TFB1M: variants seen among roughly 807,000 people sequenced by gnomAD.
The protein encoded by TFB1M is transcription factor B1, mitochondrial.
A neutral mutation model predicts 31.1 loss-of-function variants in TFB1M; 27 were observed. The observed-to-expected ratio is 0.87, with a 90% confidence interval of 0.64 to 1.20. The LOEUF is 1.20. Ranked by LOEUF, TFB1M falls within the 50% of genes most tolerant of loss-of-function variation. The probability of loss-of-function intolerance (pLI) is 0.00; values close to 1 mark genes in which losing one functional copy is unlikely to be tolerated. For missense variants in TFB1M, 394 were observed against 418.7 expected (o/e 0.94, Z 0.51); for synonymous variants, 166 against 151.8 (o/e 1.09, Z -0.69).
At chr6:155,276,510 A>G (rs6925410) in intron 5 of TFB1M, 507,664 of 797,208 alleles carry the variant, frequency 0.64, 165,991 homozygotes, top group East Asian at 0.98. Flanking sequence ...ACAACTACAA[A>G]GTAGTTTAAA....
rs535946107 is a variant in TFB1M at position 155,290,852 on chromosome 6, G to A, written c.547-5575C>T. ...AGAAATATATTTGGACTTTGTCGCT[G>A]GCTCCTAAAGCCCTTGAAATTTCCT... On this transcript the variant is annotated intron_variant, in intron 4 of 6. Transcript: ENST00000367166. 5.3e-5 allele frequency among the ~76,000 whole-genome samples: 8 copies of A among 152,268 alleles called. No individual in the cohort carries two copies. In the East Asian group the frequency reaches 1.5e-3, roughly 29 times the overall value.
intron 2 of TFB1M, among the ~76,000 whole-genome samples, chr6:155,302,497 C>T (rs535375658): frequency 2.0e-5 from 3 of 152,052 alleles, no homozygotes; most frequent in Non-Finnish European, 4.4e-5. Flanking sequence ...AAGGTTACAG[C>T]ATGATGTCAA....
intron 5 of TFB1M, 134 bp from the exon 6 acceptor site, chr6:155,260,534 T>C: frequency 8.7e-7 from 1 of 1,144,454 alleles, no homozygotes; most frequent in Non-Finnish European, 1.3e-6. Flanking sequence ...TCCACGTACT[T>C]CGGTTTCATC....
chr6:155,257,210 A>C lies in TFB1M; in HGVS notation c.*626T>G. On this transcript the variant is annotated 3_prime_UTR_variant, in exon 7 of 7. Coordinates refer to ENST00000367166, the MANE Select transcript of TFB1M (RefSeq NM_016020.4). ...AATTGCAAAAAAAAAAAAAAAAAAA[A>C]ACTGTTCATTCCTGGGTTTTGTGCA... 4.2e-6 allele frequency: 5 copies of C among 1,177,030 alleles called. No homozygotes were observed. The highest frequency in any genetic ancestry group is 1.5e-5 in the South Asian group (1 of 67,630). The allele number at this position is 1,177,030 out of a possible 1,614,324, so 72.9% of individuals were successfully genotyped here. A position where few individuals can be genotyped will look rare whatever the true frequency, so the allele number is the denominator to read the frequency against.
At chr6:155,238,119 T>A in the TFB1M span, among the ~76,000 whole-genome samples, 1 of 152,162 alleles carries the variant, frequency 6.6e-6, no homozygotes, top group Non-Finnish European at 1.5e-5. Flanking sequence ...AGAAATTTCT[T>A]CTCCCAGATA....
At chr6:155,249,935 A>C in the TFB1M span, 3 of 1,614,134 alleles carry the variant, frequency 1.9e-6, no homozygotes, top group South Asian at 1.1e-5. Flanking sequence ...GTGTTTGACC[A>C]GCTAGTAGCT....
chr6:155,246,228 G>A, the TFB1M span, among the ~76,000 whole-genome samples: 193 of 152,232 alleles, frequency 1.3e-3, no homozygotes, highest in Middle Eastern at 0.021. Flanking sequence ...TTCTCTCTGC[G>A]TGGGCCTGGA....
chr6:155,263,369 C>CA (rs1272378598), intron 5 of TFB1M, among the ~76,000 whole-genome samples: 1 of 152,168 alleles, frequency 6.6e-6, no homozygotes, highest in Non-Finnish European at 1.5e-5. Flanking sequence ...TTAATGCCGC[C>CA]AGCCTTTTCC....
intron 5 of TFB1M, among the ~76,000 whole-genome samples, chr6:155,266,253 A>G (rs1196063511): frequency 2.6e-5 from 4 of 152,226 alleles, no homozygotes; most frequent in South Asian, 2.1e-4. Context: ...TTTGAAAAAT[A>G]CAAGGATGGG....
At chr6:155,241,450 A>G in the TFB1M span, among the ~76,000 whole-genome samples, 4 of 152,196 alleles carry the variant, frequency 2.6e-5, no homozygotes, top group South Asian at 2.1e-4. Context: ...CTCTGGCTGT[A>G]TGGTGGATGG....
At position 155,257,823 on chromosome 6, in the gene TFB1M, CCCCA is replaced by C; in HGVS notation, c.*9_*12del. The C allele has an allele frequency of 6.2e-7, 1 of 1,613,950 alleles. No homozygotes were observed. Among genetic ancestry groups the C allele is most frequent in the East Asian group, 2.2e-5 (1 of 44,882 alleles). ...AATCGACATCTGGTAGGCTGCTCGC[CCCCA>C]GGCAGCAGCTAGAGTCTGTAATTCT... On this transcript the variant is annotated 3_prime_UTR_variant, in exon 7 of 7. Transcript: ENST00000367166.
the TFB1M span, among the ~76,000 whole-genome samples, chr6:155,237,973 T>C: frequency 6.6e-6 from 1 of 152,254 alleles, no homozygotes; most frequent in Non-Finnish European, 1.5e-5. Flanking sequence ...AGCTTAGATT[T>C]CTCTTCAGAA....
the TFB1M span, among the ~76,000 whole-genome samples, chr6:155,242,273 C>T: frequency 1.7e-4 from 26 of 152,376 alleles, no homozygotes; most frequent in Non-Finnish European, 2.9e-4. Flanking sequence ...CCACACTTGG[C>T]ACCTGTTGTG....
the TFB1M span, chr6:155,240,572 A>C: frequency 6.2e-7 from 1 of 1,614,032 alleles, no homozygotes; most frequent in East Asian, 2.2e-5. Context: ...TTTTAACGAC[A>C]GTCAGGCCAA....
intron 4 of TFB1M, among the ~76,000 whole-genome samples, chr6:155,295,530 G>A (rs1777128861): frequency 6.6e-6 from 1 of 152,162 alleles, no homozygotes; most frequent in South Asian, 2.1e-4. Flanking sequence ...GGGTCTCAAA[G>A]GTACTAGTGA....
Position 155,260,362 on chromosome 6 carries a change from C to T in TFB1M, c.705G>A (p.Gln235=), listed in dbSNP as rs373271788. ...GCTTGAATGGCTGCTCTATCTTGGG[C>T]TGTATCAAGGGAGTGAAGTGCACCA... The part of the protein sequence containing the change: ...VGVVHFTPLI[Q]PKIEQPFKLV... The change falls in exon 6 of 7, where the codon CAG becomes CAA. Residue 235 remains glutamine, a synonymous_variant. Transcript: ENST00000367166. 1.2e-5 allele frequency: 19 copies of T among 1,614,058 alleles called. No individual in the cohort carries two copies. Among genetic ancestry groups the T allele is most frequent in the African/African-American group, 5.3e-5 (4 of 74,920 alleles).
chr6:155,233,351 GA>G, the TFB1M span, among the ~76,000 whole-genome samples: 2 of 152,164 alleles, frequency 1.3e-5, no homozygotes, highest in East Asian at 3.9e-4. Flanking sequence ...TTTTTCTAAT[GA>G]AAAGTATTGC....
At chr6:155,294,202 C>A (rs2114768871) in intron 4 of TFB1M, among the ~76,000 whole-genome samples, 2 of 152,084 alleles carry the variant, frequency 1.3e-5, no homozygotes, top group South Asian at 4.1e-4. Flanking sequence ...GAGATCAAAC[C>A]CGAGTGGACT....
chr6:155,291,438 G>C (rs1054498323), intron 4 of TFB1M, among the ~76,000 whole-genome samples: 2 of 152,182 alleles, frequency 1.3e-5, no homozygotes, highest in African/African-American at 4.8e-5. Context: ...AGAATTAGCA[G>C]GTTCATGAAG....
Sources: allele counts gnomAD v4.1 joint callset (sites outside exome capture counted in the v4.1 genomes callset), GRCh38; gene constraint gnomAD v4.1.1; transcripts MANE v1.5; gene names NCBI Gene and HGNC (gene_info 2026-07-23, HGNC 2026-07-21).